The following CFAP46 variants were observed in gnomAD, a reference collection of about 807,000 sequenced individuals.
CFAP46 encodes cilia and flagella associated protein 46, also known as cilia- and flagella-associated protein 46.
A neutral mutation model predicts 325.7 loss-of-function variants in CFAP46; 245 were observed. The ratio of observed to expected loss-of-function variants is 0.75; its 90% CI spans 0.68 to 0.84. The LOEUF is 0.84. Among genes scored for constraint, CFAP46 ranks in the 40% least tolerant of loss-of-function variants. CFAP46 has a pLI of 0.00. For synonymous variants in CFAP46, 1,523 were observed against 1,495.9 expected (o/e 1.02, Z -0.42); for missense variants, 3,346 against 3,543.0 (o/e 0.94, Z 1.41).
At chr10:132,917,333 T>C (rs1311599447) in intron 16 of CFAP46, among the ~76,000 whole-genome samples, 1 of 152,186 alleles carries the variant, frequency 6.6e-6, no homozygotes, top group Non-Finnish European at 1.5e-5. Flanking sequence ...AGTCACACAA[T>C]GTCACAAGGG....
At chr10:132,938,136 C>T (rs562656377) in intron 5 of CFAP46, among the ~76,000 whole-genome samples, 2 of 152,318 alleles carry the variant, frequency 1.3e-5, no homozygotes, top group Non-Finnish European at 2.9e-5. Flanking sequence ...ACAGCCTGTG[C>T]GGTGACCCCT....
At position 132,857,746 on chromosome 10, in the gene CFAP46, C is replaced by T. The variant is rs547010398; in HGVS notation, c.5418G>A (p.Ala1806=). ...CCAGGCCATACGCTTCCAAGTAATA[C>T]GCAGTTTTTTGTTCTTCATCTTTCT... ...QNEKDEEQKT[A]YYLEAYGLAQ... Residue 1806 remains alanine, a synonymous_variant, in exon 39 of 58, where the codon GCG becomes GCA. Coordinates refer to ENST00000368586, the MANE Select transcript of CFAP46 (RefSeq NM_001200049.3). 7.3e-5 allele frequency: 116 copies of T among 1,592,534 alleles called. 1 individual carries two copies. Among genetic ancestry groups the T allele is most frequent in the South Asian group, 5.0e-4 (44 of 88,058 alleles).
intron 43 of CFAP46, among the ~76,000 whole-genome samples, chr10:132,846,511 G>A (rs1031535022): frequency 4.6e-5 from 7 of 151,652 alleles, no homozygotes; most frequent in Non-Finnish European, 1.0e-4. Flanking sequence ...CCTCTGTGAG[G>A]TCCACACGGA....
chr10:132,911,353 G>T (rs1287001738), intron 19 of CFAP46, among the ~76,000 whole-genome samples: 1 of 152,228 alleles, frequency 6.6e-6, no homozygotes, highest in Non-Finnish European at 1.5e-5. Flanking sequence ...GTGCCGGGCC[G>T]CAGGCTCAAG....
chr10:132,905,640 G>A (rs148286774), intron 22 of CFAP46, among the ~76,000 whole-genome samples: 11 of 152,288 alleles, frequency 7.2e-5, no homozygotes, highest in East Asian at 1.9e-4. Context: ...CACGTGGAAC[G>A]TTCTATTTTC....
Position 132,834,648 on chromosome 10 carries a change from C to G in CFAP46, c.6866+6G>C, listed in dbSNP as rs1848207423. The G allele has an allele frequency of 6.2e-7, 1 of 1,613,100 alleles. No homozygotes were observed. Among genetic ancestry groups the G allele is most frequent in the Non-Finnish European group, 8.5e-7 (1 of 1,179,862 alleles). On this transcript the variant is annotated splice_donor_region_variant and intron_variant, in intron 48 of 57. Coordinates refer to ENST00000368586, the MANE Select transcript of CFAP46 (RefSeq NM_001200049.3). ...GGGGTGCCAGCCTCAACGTCATCCC[C>G]AGTACCTGGCCTTGGAGAGGCTGAG...
At chr10:132,856,691 T>G (rs1422694181) in intron 39 of CFAP46, among the ~76,000 whole-genome samples, 3 of 152,254 alleles carry the variant, frequency 2.0e-5, no homozygotes, top group Admixed American at 2.0e-4. Flanking sequence ...CTTAACTTTC[T>G]GAACATACAG....
At chr10:132,898,163 C>T (rs1849342939) in intron 24 of CFAP46, among the ~76,000 whole-genome samples, 1 of 152,216 alleles carries the variant, frequency 6.6e-6, no homozygotes, top group South Asian at 2.1e-4. Flanking sequence ...TGGAGACTGA[C>T]CCCAACCCGA....
intron 50 of CFAP46, among the ~76,000 whole-genome samples, chr10:132,821,151 C>T (rs1269090478): frequency 1.7e-5 from 2 of 118,542 alleles, no homozygotes; most frequent in African/African-American, 6.6e-5. Flanking sequence ...TGTGTGAGTG[C>T]TGATGTGTGC....
chr10:132,818,216 G>T (rs1341660021), intron 50 of CFAP46, among the ~76,000 whole-genome samples: 2 of 152,202 alleles, frequency 1.3e-5, no homozygotes, highest in East Asian at 3.9e-4. Flanking sequence ...AGTGGGGAAG[G>T]GAAGGATGTT....
intron 44 of CFAP46, among the ~76,000 whole-genome samples, chr10:132,843,420 G>A (rs1384742208): frequency 1.3e-5 from 2 of 149,642 alleles, no homozygotes; most frequent in Middle Eastern, 3.3e-3. Flanking sequence ...GTGTTCCCAG[G>A]GTGCTGTAAG....
At chr10:132,842,980 A>G (rs1173695251) in intron 44 of CFAP46, among the ~76,000 whole-genome samples, 1 of 152,196 alleles carries the variant, frequency 6.6e-6, no homozygotes, top group African/African-American at 2.4e-5. Context: ...ATACTGCCAC[A>G]TTGGGCATTG....
chr10:132,841,466 G>C (rs553013348), intron 44 of CFAP46, among the ~76,000 whole-genome samples: 33 of 152,336 alleles, frequency 2.2e-4, no homozygotes, highest in African/African-American at 7.9e-4. Context: ...CTTATGGGTG[G>C]GAGTCCAGTG....
At chr10:132,913,373 G>GGT in intron 17 of CFAP46, 115 bp from the exon 18 acceptor site, 1 of 585,734 alleles carries the variant, frequency 1.7e-6, no homozygotes, top group Non-Finnish European at 2.9e-6. Context: ...AGTGGGAGGG[G>GGT]CGGGTGGGCG....
rs910657545 is a variant in CFAP46 at position 132,910,193 on chromosome 10, C to A, written c.2500-125G>T. ...TCCAGCCCGTGAAGGGCCTTAAACA[C>A]GAGACCTCAGGCCCACCAGCGGCTG... On this transcript the variant is annotated intron_variant, in intron 19 of 57. Transcript: ENST00000368586. 1.7e-5 allele frequency: 16 copies of A among 931,908 alleles called. No homozygotes were observed. The African/African-American group carries it at 2.4e-4, about 14-fold the overall frequency. The allele number at this position is 931,908 out of a possible 1,614,324, so 57.7% of individuals were successfully genotyped here. A position where few individuals can be genotyped will look rare whatever the true frequency, so the allele number is the denominator to read the frequency against.
At chr10:132,878,265 G>C (rs12359415) in intron 29 of CFAP46, among the ~76,000 whole-genome samples, 178 bp from the exon 30 acceptor site, 8,188 of 152,304 alleles carry the variant, frequency 0.054, 306 homozygotes, top group Non-Finnish European at 0.077. Flanking sequence ...CACGGAGCTG[G>C]GCTGGCCCGG....
intron 6 of CFAP46, 67 bp from the exon 7 acceptor site, chr10:132,937,122 T>G: frequency 1.1e-6 from 1 of 935,434 alleles, no homozygotes; most frequent in Non-Finnish European, 1.5e-6. Flanking sequence ...AGATTTTGTG[T>G]CTAGATTTTA....
In CFAP46 at chr10:132,836,846, C is replaced by G. The variant is rs750834037; in HGVS notation, c.6507G>C (p.Trp2169Cys). 1 of 1,613,740 alleles carries G rather than the reference C, an allele frequency of 6.2e-7. No individual in the cohort carries two copies. The highest frequency in any genetic ancestry group is 1.3e-5 in the African/African-American group (1 of 74,922). Residue 2169 changes from tryptophan to cysteine, a missense_variant, in exon 45 of 58, where the codon TGG becomes TGC. Coordinates refer to ENST00000368586, the MANE Select transcript of CFAP46 (RefSeq NM_001200049.3). ...CCCCTGAGAGGTGCAGAAAGAGGAT[C>G]CAAAAGGTCGGAGGCATCTCATTCA... ...NLLNEMPPTF[W>C]ILFLHLSGDR...
intron 27 of CFAP46, among the ~76,000 whole-genome samples, chr10:132,883,283 C>T (rs11146562): frequency 0.023 from 3,535 of 152,252 alleles, 124 homozygotes; most frequent in African/African-American, 0.078. Flanking sequence ...TCTAAAGCAA[C>T]GAAAACCAAC....
Sources: gnomAD v4.1 joint callset for allele counts (sites outside exome capture counted in the v4.1 genomes callset) on GRCh38, gnomAD v4.1.1 for gene constraint, MANE v1.5 for transcripts, NCBI Gene and HGNC (gene_info 2026-07-23, HGNC 2026-07-21) for gene names.